LEKR1: variants seen among roughly 807,000 people sequenced by gnomAD.
LEKR1 encodes leucine, glutamate and lysine rich 1.
A neutral mutation model predicts 72.4 loss-of-function variants in LEKR1; 59 were observed. The observed-to-expected ratio is 0.82, with a 90% CI of 0.66 to 1.01. LEKR1 has a LOEUF of 1.01. Among genes scored for constraint, LEKR1 ranks in the 50% least tolerant of loss-of-function variants. The probability of loss-of-function intolerance (pLI) is 0.00; values close to 1 mark genes in which losing one functional copy is unlikely to be tolerated. For synonymous variants in LEKR1, 257 were observed against 263.2 expected (o/e 0.98, Z 0.23); for missense variants, 728 against 759.2 (o/e 0.96, Z 0.48).
At chr3:156,996,468 T>G (rs770071267) in intron 9 of LEKR1, among the ~76,000 whole-genome samples, 2 of 152,096 alleles carry the variant, frequency 1.3e-5, no homozygotes, top group Non-Finnish European at 2.9e-5. Context: ...TTGCAGGCCT[T>G]TGGGAGTTTG....
At chr3:156,942,859 G>T (rs1224844717) in intron 6 of LEKR1, 145 bp downstream of exon 6, 1 of 335,944 alleles carries the variant, frequency 3.0e-6, no homozygotes, top group Non-Finnish European at 5.4e-6. Context: ...TCACTATGGT[G>T]ATAACTGTGT....
intron 7 of LEKR1, among the ~76,000 whole-genome samples, chr3:156,989,437 A>G (rs1730976032): frequency 6.6e-6 from 1 of 152,218 alleles, no homozygotes; most frequent in South Asian, 2.1e-4. Context: ...GTCCTCCAGT[A>G]AGCCTATACA....
chr3:156,921,540 G>C (rs1724198432), intron 4 of LEKR1, among the ~76,000 whole-genome samples: 1 of 152,108 alleles, frequency 6.6e-6, no homozygotes, highest in African/African-American at 2.4e-5. Flanking sequence ...ATCCATGAAT[G>C]AAATCCACTC....
At position 156,883,018 on chromosome 3, in the gene LEKR1, G is replaced by GC. The variant is rs1380435487; in HGVS notation, c.263+30036_263+30037insC. Among the ~76,000 whole-genome samples the GC allele has an allele frequency of 3.6e-3, 546 of 151,266 alleles. 2 individuals carry two copies. Among genetic ancestry groups the GC allele is most frequent in the Middle Eastern group, 6.8e-3 (2 of 292 alleles). On this transcript the variant is annotated intron_variant, in intron 3 of 12. Transcript: ENST00000356539. ...GGACTGTTGTGGGTTGGGGGGAGGGGGGAGAGATAGCATTGGGATATATAC... is the reference window on the plus strand; with the variant it reads ...GGACTGTTGTGGGTTGGGGGGAGGGGCGGAGAGATAGCATTGGGATATATAC...
At position 156,947,690 on chromosome 3, in the gene LEKR1, A is replaced by C. The variant is rs528466374; in HGVS notation, c.745+4976A>C. Among the ~76,000 whole-genome samples the C allele has an allele frequency of 1.5e-3, 228 of 151,202 alleles. 1 individual carries two copies. The highest frequency in any genetic ancestry group is 2.6e-3 in the Non-Finnish European group (173 of 67,346). ...TCATAAAGTCAAAAAATCATATTGA[A>C]CCATAAGTCAGGAACTGTCTGTACT... On this transcript the variant is annotated intron_variant, in intron 6 of 12. Coordinates refer to ENST00000356539, the MANE Select transcript of LEKR1 (RefSeq NM_001004316.3).
In LEKR1 at chr3:157,045,616, G is replaced by T. The variant is rs201618204; in HGVS notation, c.1945G>T (p.Asp649Tyr). ...AAAACCCACCACTTTCCCAACCTCA[G>T]ATAAGCCGAAGAGGGTTAGATCAGG... Reference protein sequence around the residue: ...VSKPTTFPTSDKPKRVRSGVP... With the variant: ...VSKPTTFPTSYKPKRVRSGVP... Residue 649 changes from aspartate (D) to tyrosine (Y), a missense_variant, in exon 13 of 13, where the codon GAT (aspartate) becomes TAT (tyrosine). Coordinates refer to ENST00000356539, the MANE Select transcript of LEKR1 (RefSeq NM_001004316.3). 206 of 1,614,002 alleles carry T rather than the reference G, an allele frequency of 1.3e-4. No homozygotes were observed. The highest frequency in any genetic ancestry group is 1.7e-4 in the Non-Finnish European group (201 of 1,180,024).
At chr3:157,027,671 CA>C (rs1482151953) in intron 11 of LEKR1, among the ~76,000 whole-genome samples, 1 of 151,938 alleles carries the variant, frequency 6.6e-6, no homozygotes, top group Non-Finnish European at 1.5e-5. Flanking sequence ...AAAAATTAGC[CA>C]GGGGTGGTGG....
At chr3:157,035,168 A>G (rs1734874353) in intron 12 of LEKR1, among the ~76,000 whole-genome samples, 2 of 152,274 alleles carry the variant, frequency 1.3e-5, no homozygotes, top group South Asian at 4.1e-4. Flanking sequence ...CATAATTTTT[A>G]TATGCAATGG....
chr3:156,984,018 G>T (rs1463507928), intron 7 of LEKR1, among the ~76,000 whole-genome samples: 1 of 151,912 alleles, frequency 6.6e-6, no homozygotes, highest in Non-Finnish European at 1.5e-5. Context: ...ATTAGAATAA[G>T]TATAACTGAT....
At chr3:156,850,988 A>G (rs554746800) in intron 2 of LEKR1, among the ~76,000 whole-genome samples, 2 of 152,322 alleles carry the variant, frequency 1.3e-5, no homozygotes, top group Admixed American at 6.5e-5. Flanking sequence ...TTAAAGACCA[A>G]TCAGATCTAA....
At chr3:157,030,388 G>T (rs371353229) in intron 12 of LEKR1, among the ~76,000 whole-genome samples, 5 of 152,178 alleles carry the variant, frequency 3.3e-5, no homozygotes, top group African/African-American at 4.8e-5. Context: ...GCACGTGTTA[G>T]ATAGGTACTG....
intron 8 of LEKR1, 137 bp downstream of exon 8, chr3:156,992,867 A>G (rs1360430791): frequency 1.8e-5 from 7 of 381,194 alleles, no homozygotes; most frequent in Non-Finnish European, 3.2e-5. Context: ...ATTCAAGCTT[A>G]TATTATCTTG....
chr3:156,913,926 A>G (rs569993683), intron 3 of LEKR1, among the ~76,000 whole-genome samples: 1 of 152,198 alleles, frequency 6.6e-6, no homozygotes, highest in Non-Finnish European at 1.5e-5. Flanking sequence ...TCATTTACAC[A>G]GATTTTAAAA....
chr3:156,928,730 T>C (rs1724951329), intron 5 of LEKR1, among the ~76,000 whole-genome samples: 2 of 152,084 alleles, frequency 1.3e-5, no homozygotes, highest in African/African-American at 4.8e-5. Flanking sequence ...CTGAAATACA[T>C]GTGCTCAATG....
At chr3:156,903,806 A>G (rs191258346) in intron 3 of LEKR1, among the ~76,000 whole-genome samples, 24 of 152,274 alleles carry the variant, frequency 1.6e-4, no homozygotes, top group Admixed American at 1.2e-3. Context: ...GGGATTGCCT[A>G]TTGTTTTCTC....
At chr3:156,936,426 A>AACACACACACACACACACAC (rs561039357) in intron 5 of LEKR1, among the ~76,000 whole-genome samples, 1 of 76,898 alleles carries the variant, frequency 1.3e-5, no homozygotes, top group African/African-American at 9.3e-5. Flanking sequence ...GTACAATGAG[A>AACACACACACACACACACAC]ACACACACAC....
chr3:156,865,394 T>G (rs1420525853), intron 3 of LEKR1, among the ~76,000 whole-genome samples: 1 of 152,054 alleles, frequency 6.6e-6, no homozygotes, highest in African/African-American at 2.4e-5. Context: ...GTGTGTGAGA[T>G]TTGTATCTTA....
At chr3:156,851,939 T>G (rs939948165) in intron 2 of LEKR1, among the ~76,000 whole-genome samples, 1 of 152,122 alleles carries the variant, frequency 6.6e-6, no homozygotes, top group Non-Finnish European at 1.5e-5. Context: ...AAGAACTATC[T>G]CCCTTCTGAC....
intron 10 of LEKR1, among the ~76,000 whole-genome samples, chr3:157,019,403 A>G (rs1439551639): frequency 2.0e-5 from 3 of 152,208 alleles, no homozygotes; most frequent in Non-Finnish European, 4.4e-5. Context: ...AAATTTAAAA[A>G]CAATGCTCTG....
Sources: allele counts gnomAD v4.1 joint callset (sites outside exome capture counted in the v4.1 genomes callset), GRCh38; gene constraint gnomAD v4.1.1; transcripts MANE v1.5; gene names NCBI Gene and HGNC (gene_info 2026-07-23, HGNC 2026-07-21).